The following AIMP1 variants were observed in gnomAD, a reference collection of about 807,000 sequenced individuals.
AIMP1 encodes the protein aminoacyl tRNA synthase complex-interacting multifunctional protein 1.
In AIMP1, 24 loss-of-function variants were observed where a neutral mutation model predicts 33.1. That is an observed-to-expected ratio of 0.73 (90% CI 0.53 to 1.02). The LOEUF (loss-of-function observed/expected upper bound fraction) is 1.02. Ranked by LOEUF, AIMP1 falls within the 50% of genes least tolerant of loss-of-function variation. The pLI, the probability that AIMP1 is intolerant of heterozygous loss-of-function variation, is 0.00. For synonymous variants in AIMP1, 120 were observed against 121.5 expected (o/e 0.99, Z 0.08); for missense variants, 367 against 364.8 (o/e 1.01, Z -0.05).
At chr4:106,332,699 T>C (rs1463763912) in intron 5 of AIMP1, among the ~76,000 whole-genome samples, 3 of 150,294 alleles carry the variant, frequency 2.0e-5, no homozygotes, top group Admixed American at 1.3e-4. Flanking sequence ...CATCTGTCTA[T>C]ATAGATATAT....
In AIMP1 at chr4:106,328,144, C is replaced by T. The variant is rs1446424687; in HGVS notation, c.292C>T (p.Gln98Ter). ...TTCTATGGTTTCTGAAAATGTGATA[C>T]AGTCTACAGCAGTAACAACCGTATC... Reference protein sequence around the residue: ...ANSMVSENVIQSTAVTTVSSG... With the variant: ...ANSMVSENVI The change falls in exon 4 of 7, where the codon CAG becomes TAG. Residue 98 changes from glutamine (Q) to a stop codon, truncating the protein, a stop_gained. Transcript: ENST00000672341. LOFTEE classifies it high-confidence loss of function. 6 of 1,613,508 alleles carry T rather than the reference C, an allele frequency of 3.7e-6. No homozygotes were observed. The highest frequency in any genetic ancestry group is 5.1e-6 in the Non-Finnish European group (6 of 1,179,702).
rs1161374561 is a variant in AIMP1, at chr4:106,321,673, G to A, written c.-25-3312G>A. Among the ~76,000 whole-genome samples, 46 of 151,840 alleles carry A rather than the reference G, an allele frequency of 3.0e-4. No individual in the cohort carries two copies. In the East Asian group the frequency reaches 8.4e-3, roughly 28 times the overall value. Reference sequence around the variant, plus strand: ...TGGGAAGTGAGGAGCCCCTCTGCCCGGCCGCCACCCCGTCTGGGAGGTGTA... The same window carrying A: ...TGGGAAGTGAGGAGCCCCTCTGCCCAGCCGCCACCCCGTCTGGGAGGTGTA... On this transcript the variant is annotated intron_variant, in intron 1 of 6. Coordinates refer to ENST00000672341, the MANE Select transcript of AIMP1 (RefSeq NM_001142416.2).
At chr4:106,337,233 C>T (rs1182495451) in intron 6 of AIMP1, among the ~76,000 whole-genome samples, 196 bp downstream of exon 6, 3 of 152,166 alleles carry the variant, frequency 2.0e-5, no homozygotes, top group African/African-American at 7.2e-5. Context: ...TTCTCCTCCC[C>T]ATGAATGTAC....
intron 4 of AIMP1, among the ~76,000 whole-genome samples, chr4:106,329,073 T>C (rs1390268697): frequency 6.8e-6 from 1 of 147,194 alleles, no homozygotes; most frequent in Non-Finnish European, 1.5e-5. Flanking sequence ...AAATATAACA[T>C]GCAGAGGGAT....
chr4:106,330,594 T>G (rs138895366), intron 4 of AIMP1, among the ~76,000 whole-genome samples: 20 of 152,358 alleles, frequency 1.3e-4, no homozygotes, highest in African/African-American at 4.8e-4. Context: ...TCACTGAGTT[T>G]CTATATTTCT....
intron 6 of AIMP1, among the ~76,000 whole-genome samples, chr4:106,343,429 T>TG (rs1770175040): frequency 6.6e-6 from 1 of 152,280 alleles, no homozygotes; most frequent in East Asian, 1.9e-4. Flanking sequence ...AAAATATGGA[T>TG]GAAAGCATGG....
chr4:106,321,091 C>T (rs1561020940), intron 1 of AIMP1, among the ~76,000 whole-genome samples: 1 of 152,186 alleles, frequency 6.6e-6, no homozygotes, highest in African/African-American at 2.4e-5. Flanking sequence ...GATCTTGGCT[C>T]GCTACAACCT....
intron 1 of AIMP1, among the ~76,000 whole-genome samples, chr4:106,319,910 A>C (rs1579624966): frequency 6.6e-6 from 1 of 152,216 alleles, no homozygotes; most frequent in Non-Finnish European, 1.5e-5. Flanking sequence ...AAAAGAGCTA[A>C]CTGCAGCATC....
In AIMP1 at chr4:106,348,671, AGGT is replaced by A. The variant is rs1377693933; in HGVS notation, c.*980_*982del. The A allele has an allele frequency of 6.6e-6, 1 of 152,132 alleles. No homozygotes were observed. Among genetic ancestry groups the A allele is most frequent in the African/African-American group, 2.4e-5 (1 of 41,442 alleles). 9.4% of individuals were successfully genotyped at this position (152,132 alleles called of 1,614,324 possible). A position where few individuals can be genotyped will look rare whatever the true frequency, so the allele number is the denominator to read the frequency against. On this transcript the variant is annotated 3_prime_UTR_variant, in exon 7 of 7. Coordinates refer to ENST00000672341, the MANE Select transcript of AIMP1 (RefSeq NM_001142416.2). ...ATTAATTGAGGAATTATAAGCCTAC[AGGT>A]CATCAGCCTTGAGGTGATTACTGAT...
At chr4:106,340,345 G>C (rs1770051602) in intron 6 of AIMP1, among the ~76,000 whole-genome samples, 1 of 151,574 alleles carries the variant, frequency 6.6e-6, no homozygotes, top group African/African-American at 2.4e-5. Context: ...TTGGCAAATT[G>C]TATGTCCTTG....
chr4:106,342,905 CTTT>C (rs34629602), intron 6 of AIMP1, among the ~76,000 whole-genome samples: 7 of 128,320 alleles, frequency 5.5e-5, no homozygotes, highest in Non-Finnish European at 5.0e-5. Context: ...CGATCCAGGG[CTTT>C]TTTTTTTTTT....
At chr4:106,319,582 G>A (rs961399639) in intron 1 of AIMP1, among the ~76,000 whole-genome samples, 1 of 152,112 alleles carries the variant, frequency 6.6e-6, no homozygotes, top group Non-Finnish European at 1.5e-5. Context: ...TTTTAATTTA[G>A]TAAAGGAAAA....
intron 4 of AIMP1, among the ~76,000 whole-genome samples, chr4:106,330,440 AT>A (rs1158357412): frequency 6.6e-6 from 1 of 152,110 alleles, no homozygotes; most frequent in Non-Finnish European, 1.5e-5. Flanking sequence ...GGAAAATGGA[AT>A]TTTTTTAAAG....
At chr4:106,319,402 C>A (rs1769109190) in intron 1 of AIMP1, among the ~76,000 whole-genome samples, 1 of 152,080 alleles carries the variant, frequency 6.6e-6, no homozygotes, top group Non-Finnish European at 1.5e-5. Context: ...ACTATAAATT[C>A]ATGTACAGTA....
At chr4:106,345,979 GA>G (rs1770281992) in intron 6 of AIMP1, among the ~76,000 whole-genome samples, 1 of 150,510 alleles carries the variant, frequency 6.6e-6, no homozygotes, top group African/African-American at 2.4e-5. Flanking sequence ...AGGAGTCAGT[GA>G]AAAAAAGATC....
chr4:106,323,078 T>C (rs1769326216), intron 1 of AIMP1, among the ~76,000 whole-genome samples: 1 of 152,186 alleles, frequency 6.6e-6, no homozygotes, highest in South Asian at 2.1e-4. Context: ...TCATTTGTAT[T>C]TCTGTATTTT....
At chr4:106,321,435 G>A (rs556606638) in intron 1 of AIMP1, 2,487 of 155,932 alleles carry the variant, frequency 0.016, 32 homozygotes, top group Middle Eastern at 0.081. Context: ...CTGCCCCGCC[G>A]CCACCCCGTC....
chr4:106,344,990 A>G (rs1770242751), intron 6 of AIMP1, among the ~76,000 whole-genome samples: 1 of 152,198 alleles, frequency 6.6e-6, no homozygotes, highest in Non-Finnish European at 1.5e-5. Flanking sequence ...GATGAGAGTA[A>G]TGAATATTAC....
chr4:106,334,693 AGGGAAAGAATCTAGT>A (rs1381255116), intron 5 of AIMP1, among the ~76,000 whole-genome samples: 1 of 152,228 alleles, frequency 6.6e-6, no homozygotes. Context: ...AGAGAAAAAT[AGGGAAAGAATCTAGT>A]AAGTATTGAG....
Sources: allele counts gnomAD v4.1 joint callset (sites outside exome capture counted in the v4.1 genomes callset), GRCh38; gene constraint gnomAD v4.1.1; transcripts MANE v1.5; gene names NCBI Gene and HGNC (gene_info 2026-07-23, HGNC 2026-07-21).